The following PTPRJ variants were observed in gnomAD, a reference collection of about 807,000 sequenced individuals.
PTPRJ encodes the protein protein tyrosine phosphatase receptor type J, also known as receptor-type tyrosine-protein phosphatase eta.
Under a neutral mutation model 141.3 loss-of-function variants are expected in PTPRJ, and 129 were observed. The ratio of observed to expected loss-of-function variants is 0.91; its 90% confidence interval spans 0.79 to 1.06. The LOEUF is 1.06. PTPRJ is among the 50% of genes least tolerant of loss of function. The pLI is 0.00. For missense variants in PTPRJ, 1,601 were observed against 1,679.7 expected, an observed-to-expected ratio of 0.95 and a Z score of 0.82; for synonymous variants, 610 against 640.5, an observed-to-expected ratio of 0.95 and a Z score of 0.72.
rs75769941 is a variant in PTPRJ, at chr11:48,139,629, G to A, written c.2296G>A (p.Glu766Lys). 2 of 1,614,246 alleles carry A rather than the reference G, an allele frequency of 1.2e-6. No individual in the cohort carries two copies. Among genetic ancestry groups the A allele is most frequent in the African/African-American group, 1.3e-5 (1 of 75,064 alleles). Residue 766 changes from glutamate to lysine, a missense_variant, in exon 11 of 25, where the codon GAG (glutamate) becomes AAG (lysine). By Grantham distance (56) the Glu-to-Lys change is moderately conservative (BLOSUM62 1). Transcript: ENST00000418331. ...AGCCTGGAACAATGCGACCCACCTG[G>A]AGAGCTGCTCCTCTGAGAATGGCAC... ...SGAWNNATHLESCSSENGTEY... is the reference protein window; with the variant it reads ...SGAWNNATHLKSCSSENGTEY...
chr11:48,094,842 C>T (rs1855964178), intron 1 of PTPRJ, among the ~76,000 whole-genome samples: 1 of 152,136 alleles, frequency 6.6e-6, no homozygotes, highest in African/African-American at 2.4e-5. Flanking sequence ...TACCCGAGAA[C>T]ATGTTTTCTC....
chr11:48,070,961 T>A (rs1428578441), intron 1 of PTPRJ, among the ~76,000 whole-genome samples: 1 of 152,242 alleles, frequency 6.6e-6, no homozygotes, highest in East Asian at 1.9e-4. Flanking sequence ...AGAGGGAAGT[T>A]GATAATTTAG....
chr11:48,014,408 C>T (rs536218896), intron 1 of PTPRJ: 10 of 152,298 alleles, frequency 6.6e-5, no homozygotes, highest in African/African-American at 2.2e-4. Flanking sequence ...TACTCTATAG[C>T]TGTCTCTTTT....
chr11:48,141,338 G>A (rs1029352988), intron 11 of PTPRJ, among the ~76,000 whole-genome samples: 1 of 151,958 alleles, frequency 6.6e-6, no homozygotes, highest in Non-Finnish European at 1.5e-5. Context: ...CTTGGAAAGG[G>A]GGGGTGTGCA....
In PTPRJ at chr11:48,139,660, A is replaced by G. The variant is rs371688650; in HGVS notation, c.2327A>G (p.Tyr776Cys). The G allele has an allele frequency of 1.7e-5, 28 of 1,614,122 alleles. No individual in the cohort carries two copies. The highest frequency in any genetic ancestry group is 2.7e-5 in the African/African-American group (2 of 74,956). ...ESCSSENGTE[Y>C]RTEVTYLNFS... ...TGCTCCTCTGAGAATGGCACTGAGT[A>G]TAGAACGGAAGTCACGTATTTGAAT... The change falls in exon 11 of 25, where the codon TAT (tyrosine) becomes TGT (cysteine). Residue 776 changes from tyrosine (Y) to cysteine (C), a missense_variant. Physicochemically the swap from Tyr to Cys is radical, Grantham distance 194. Transcript: ENST00000418331.
At chr11:48,082,942 G>A (rs903960175) in intron 1 of PTPRJ, among the ~76,000 whole-genome samples, 4 of 152,188 alleles carry the variant, frequency 2.6e-5, no homozygotes, top group Non-Finnish European at 5.9e-5. Context: ...GGTTGCAGAA[G>A]TGATAATGTG....
At chr11:48,028,983 A>G (rs1458114437) in intron 1 of PTPRJ, among the ~76,000 whole-genome samples, 3 of 152,236 alleles carry the variant, frequency 2.0e-5, no homozygotes, top group African/African-American at 7.2e-5. Context: ...TTGTCACTGT[A>G]TGGTTTCAGA....
At chr11:48,153,185 C>T (rs1416692888) in intron 18 of PTPRJ, among the ~76,000 whole-genome samples, 1 of 152,086 alleles carries the variant, frequency 6.6e-6, no homozygotes, top group South Asian at 2.1e-4. Flanking sequence ...ATCTCGCTGA[C>T]TGACTAAAAC....
intron 1 of PTPRJ, among the ~76,000 whole-genome samples, chr11:48,063,213 A>C (rs1239361677): frequency 4.6e-5 from 7 of 152,150 alleles, no homozygotes; most frequent in Admixed American, 6.5e-5. Context: ...CTGTAATCCC[A>C]GCTACTTGGG....
chr11:48,136,981 T>A (rs576493598), intron 9 of PTPRJ, 22 bp from the exon 10 acceptor site: 1 of 1,556,888 alleles, frequency 6.4e-7, no homozygotes, highest in African/African-American at 1.4e-5. Flanking sequence ...TTTACATGAA[T>A]TGCCTTTTTT....
At chr11:48,059,110 CTTTTTTT>C (rs917350262) in intron 1 of PTPRJ, among the ~76,000 whole-genome samples, 5 of 102,160 alleles carry the variant, frequency 4.9e-5, no homozygotes, top group Non-Finnish European at 7.7e-5. Flanking sequence ...TGTGCTGTGC[CTTTTTTT>C]TTTTTTTTTT....
Position 48,161,128 on chromosome 11 carries a change from A to G in PTPRJ, c.3558+1079A>G, listed in dbSNP as rs552010646. 1.0e-3 allele frequency among the ~76,000 whole-genome samples: 131 copies of G among 127,702 alleles called. 5 individuals carry two copies. The highest frequency in any genetic ancestry group is 6.2e-5 in the Non-Finnish European group (4 of 64,198). The allele number at this position is 127,702 out of a possible 152,430, so 83.8% of individuals were successfully genotyped here. A position where few individuals can be genotyped will look rare whatever the true frequency, so the allele number is the denominator to read the frequency against. On this transcript the variant is annotated intron_variant, in intron 22 of 24. Coordinates refer to ENST00000418331, the MANE Select transcript of PTPRJ (RefSeq NM_002843.4). The stretch of plus-strand genomic sequence containing the variant: ...AGGAGGTCGAGGCTGCAGTGAACCG[A>G]GATTGTGCCACTGCTGCACTCTAGC...
At chr11:48,068,755 G>T (rs1855152032) in intron 1 of PTPRJ, among the ~76,000 whole-genome samples, 1 of 152,146 alleles carries the variant, frequency 6.6e-6, no homozygotes, top group Non-Finnish European at 1.5e-5. Flanking sequence ...ACGGAATCTG[G>T]CCCTGCCCTT....
intron 8 of PTPRJ, chr11:48,131,412 C>T: frequency 1.4e-6 from 1 of 718,726 alleles, no homozygotes; most frequent in Non-Finnish European, 2.6e-6. Flanking sequence ...CTTTCACAAA[C>T]ATTGAGGCCA....
intron 1 of PTPRJ, among the ~76,000 whole-genome samples, chr11:48,010,895 G>C (rs967605754): frequency 1.3e-5 from 2 of 151,884 alleles, no homozygotes; most frequent in Non-Finnish European, 2.9e-5. Flanking sequence ...GCTCAGGCTG[G>C]ACTTGAATTC....
chr11:48,023,347 A>G (rs1183567339), intron 1 of PTPRJ, among the ~76,000 whole-genome samples: 1 of 152,158 alleles, frequency 6.6e-6, no homozygotes. Flanking sequence ...AGTTTCCCTG[A>G]CATGCACGCC....
chr11:48,146,734 C>T, intron 14 of PTPRJ, 142 bp from the exon 15 acceptor site: 1 of 689,014 alleles, frequency 1.5e-6, no homozygotes, highest in East Asian at 2.5e-5. Flanking sequence ...TGTGTGTGCG[C>T]CTGTGTGTGT....
At chr11:48,050,363 C>A (rs1565276796) in intron 1 of PTPRJ, among the ~76,000 whole-genome samples, 1 of 152,096 alleles carries the variant, frequency 6.6e-6, no homozygotes, top group Non-Finnish European at 1.5e-5. Flanking sequence ...GTTAGCAACA[C>A]CCCCACCAGA....
intron 1 of PTPRJ, among the ~76,000 whole-genome samples, chr11:48,092,680 T>C (rs963215087): frequency 1.3e-5 from 2 of 152,204 alleles, no homozygotes; most frequent in African/African-American, 2.4e-5. Flanking sequence ...TCCACCCACC[T>C]CAGCCTCCCA....
Sources: gnomAD v4.1 joint callset for allele counts (sites outside exome capture counted in the v4.1 genomes callset) on GRCh38, gnomAD v4.1.1 for gene constraint, MANE v1.5 for transcripts, NCBI Gene and HGNC (gene_info 2026-07-23, HGNC 2026-07-21) for gene names.